Variants in NRCAM observed in about 807,000 individuals in gnomAD.
NRCAM encodes the protein NgCAM-related cell adhesion molecule.
NRCAM carries 83 observed loss-of-function variants against 156.5 expected under a neutral mutation model. The ratio of observed to expected loss-of-function variants is 0.53; its 90% CI spans 0.44 to 0.64. The LOEUF (loss-of-function observed/expected upper bound fraction) is 0.64. NRCAM is among the 30% of genes least tolerant of loss of function. The pLI is 0.00. For missense variants in NRCAM, 1,417 were observed against 1,597.3 expected (o/e 0.89, Z 1.92); for synonymous variants, 538 against 563.9 (o/e 0.95, Z 0.65).
At chr7:108,251,173 C>T (rs1045135057) in intron 3 of NRCAM, among the ~76,000 whole-genome samples, 1 of 151,704 alleles carries the variant, frequency 6.6e-6, no homozygotes, top group African/African-American at 2.4e-5. Flanking sequence ...AATATTTGTA[C>T]CCTCCGGAAA....
chr7:108,314,170 CT>C (rs1384835168), intron 2 of NRCAM, among the ~76,000 whole-genome samples: 1 of 152,150 alleles, frequency 6.6e-6, no homozygotes, highest in Non-Finnish European at 1.5e-5. Context: ...TTTTAACCAC[CT>C]TGTGGTGATG....
chr7:108,178,502 A>T, intron 25 of NRCAM: 2 of 251,392 alleles, frequency 8.0e-6, no homozygotes, highest in South Asian at 8.4e-5. Context: ...CTGGACCATT[A>T]AGGACTGTTT....
intron 2 of NRCAM, among the ~76,000 whole-genome samples, chr7:108,335,641 T>C (rs2099178814): frequency 6.6e-6 from 1 of 152,130 alleles, no homozygotes; most frequent in African/African-American, 2.4e-5. Flanking sequence ...TCCTTAGAGC[T>C]AATTCCAGGG....
chr7:108,274,897 T>C (rs183608218), intron 3 of NRCAM, among the ~76,000 whole-genome samples: 1 of 152,322 alleles, frequency 6.6e-6, no homozygotes, highest in African/African-American at 2.4e-5. Context: ...TCTTATTATT[T>C]TGAGGTACAT....
intron 8 of NRCAM, among the ~76,000 whole-genome samples, chr7:108,228,982 T>G (rs2093923471): frequency 6.6e-6 from 1 of 152,156 alleles, no homozygotes; most frequent in South Asian, 2.1e-4. Flanking sequence ...AAAATTAAAT[T>G]AAAAAATTAA....
At chr7:108,339,884 A>G (rs1036979501) in intron 2 of NRCAM, among the ~76,000 whole-genome samples, 10 of 152,162 alleles carry the variant, frequency 6.6e-5, no homozygotes, top group Non-Finnish European at 1.3e-4. Flanking sequence ...TCAGACTCTA[A>G]GAAAGAAACG....
At chr7:108,395,184 A>G (rs1292370945) in intron 2 of NRCAM, among the ~76,000 whole-genome samples, 1 of 152,244 alleles carries the variant, frequency 6.6e-6, no homozygotes, top group Non-Finnish European at 1.5e-5. Flanking sequence ...AACTAAGGCA[A>G]AAACAAATTC....
At chr7:108,280,061 A>G in intron 3 of NRCAM, among the ~76,000 whole-genome samples, 1 of 152,218 alleles carries the variant, frequency 6.6e-6, no homozygotes, top group Non-Finnish European at 1.5e-5. Context: ...AGGTCTCTCC[A>G]GGTAATTTTT....
intron 3 of NRCAM, among the ~76,000 whole-genome samples, chr7:108,250,425 CAA>C (rs34274206): frequency 0.067 from 4,524 of 67,280 alleles, 95 homozygotes; most frequent in South Asian, 0.12. Flanking sequence ...CATCTTACCT[CAA>C]AAAAAAAAAA....
At chr7:108,383,490 G>C (rs2099711109) in intron 2 of NRCAM, among the ~76,000 whole-genome samples, 1 of 152,150 alleles carries the variant, frequency 6.6e-6, no homozygotes, top group South Asian at 2.1e-4. Context: ...CTTATGACAA[G>C]GGCTTGGTAA....
chr7:108,226,106 T>G, intron 9 of NRCAM, 102 bp downstream of exon 9: 1 of 802,042 alleles, frequency 1.2e-6, no homozygotes, highest in Middle Eastern at 2.5e-4. Context: ...TTCCTGATAA[T>G]GAACCTGTTT....
chr7:108,170,443 C>T (rs2057767712), intron 28 of NRCAM, among the ~76,000 whole-genome samples: 1 of 152,210 alleles, frequency 6.6e-6, no homozygotes, highest in Admixed American at 6.5e-5. Context: ...AGTCATCCCT[C>T]TGCTCACTGA....
At chr7:108,254,806 C>T (rs1324979398) in intron 3 of NRCAM, among the ~76,000 whole-genome samples, 1 of 152,080 alleles carries the variant, frequency 6.6e-6, no homozygotes, top group African/African-American at 2.4e-5. Context: ...CCACCTGGAC[C>T]TCCCAAGTGC....
At chr7:108,354,649 C>T (rs1372986287) in intron 2 of NRCAM, among the ~76,000 whole-genome samples, 1 of 151,896 alleles carries the variant, frequency 6.6e-6, no homozygotes, top group African/African-American at 2.4e-5. Flanking sequence ...AATCCCAGCA[C>T]TTTGGGAGGC....
chr7:108,328,060 T>C (rs1424209899), intron 2 of NRCAM, among the ~76,000 whole-genome samples: 2 of 152,234 alleles, frequency 1.3e-5, no homozygotes, highest in African/African-American at 2.4e-5. Flanking sequence ...CCTGTGGATG[T>C]ACCCTGATGA....
intron 32 of NRCAM, among the ~76,000 whole-genome samples, chr7:108,153,668 T>C (rs2043094438): frequency 1.3e-5 from 2 of 152,136 alleles, no homozygotes; most frequent in Admixed American, 6.5e-5. Flanking sequence ...ATAACTGATA[T>C]GATTGTGCAT....
At chr7:108,456,516 C>T (rs937356495), upstream of NRCAM, 8 of 151,872 alleles carry the variant, frequency 5.3e-5, no homozygotes, top group African/African-American at 9.7e-5. Context: ...CCCCTCCCGG[C>T]TCTCCTTAGC....
At chr7:108,396,670 C>T (rs1253963772) in intron 2 of NRCAM, among the ~76,000 whole-genome samples, 4 of 152,146 alleles carry the variant, frequency 2.6e-5, no homozygotes, top group Non-Finnish European at 4.4e-5. Context: ...ACAGTGTATG[C>T]ATGTATCAAA....
At chr7:108,177,290 A>G (rs1305731397) in intron 26 of NRCAM, among the ~76,000 whole-genome samples, 1 of 152,154 alleles carries the variant, frequency 6.6e-6, no homozygotes, top group Non-Finnish European at 1.5e-5. Flanking sequence ...CATCCCAGAA[A>G]TAAAGGAAGG....
Sources: gnomAD v4.1 joint callset for allele counts (sites outside exome capture counted in the v4.1 genomes callset) on GRCh38, gnomAD v4.1.1 for gene constraint, MANE v1.5 for transcripts, NCBI Gene and HGNC (gene_info 2026-07-23, HGNC 2026-07-21) for gene names.